GSDMC: variants seen among roughly 807,000 people sequenced by gnomAD.
The protein encoded by GSDMC is gasdermin C.
In GSDMC, 59 loss-of-function variants were observed where a neutral mutation model predicts 58.0. The observed-to-expected ratio is 1.02, with a 90% CI of 0.82 to 1.26. GSDMC has a LOEUF of 1.26. Among genes scored for constraint, GSDMC ranks in the 50% most tolerant of loss-of-function variants. The pLI is 0.00. For missense variants in GSDMC, 659 were observed against 598.5 expected (o/e 1.10, Z -1.06); for synonymous variants, 241 against 220.2 (o/e 1.09, Z -0.83).
At chr8:129,712,447 T>C in the GSDMC span, among the ~76,000 whole-genome samples, 1 of 151,910 alleles carries the variant, frequency 6.6e-6, no homozygotes, top group Non-Finnish European at 1.5e-5. Context: ...CTATGATGGG[T>C]TCTAGTTCAG....
intron 3 of GSDMC, among the ~76,000 whole-genome samples, chr8:129,767,913 G>A (rs951565815): frequency 1.4e-4 from 21 of 152,070 alleles, no homozygotes; most frequent in Non-Finnish European, 2.8e-4. Context: ...GTACCACAAG[G>A]AGCACAGGCT....
Position 129,765,726 on chromosome 8 carries a change from C to A in GSDMC, c.472G>T (p.Val158Leu). The change falls in exon 4 of 14, where the codon GTG becomes TTG. Residue 158 changes from valine to leucine, a missense_variant. Val to Leu is a conservative substitution (Grantham distance 32, BLOSUM62 1). Transcript: ENST00000276708. ...CRRRGDNLYVVTEAVELINNT... is the reference protein window; with the variant it reads ...CRRRGDNLYVLTEAVELINNT... ...TTGATCAGTTCAACAGCCTCTGTCA[C>A]CACGTACAGGTTGTCCCCTCTCCTC... 6.2e-7 allele frequency: 1 copy of A among 1,612,742 alleles called. No homozygotes were observed. Among genetic ancestry groups the A allele is most frequent in the Non-Finnish European group, 8.5e-7 (1 of 1,178,700 alleles).
the GSDMC span, among the ~76,000 whole-genome samples, chr8:129,742,438 C>G: frequency 6.6e-6 from 1 of 152,110 alleles, no homozygotes; most frequent in East Asian, 1.9e-4. Context: ...AACAAAAAAT[C>G]TGTTCAATAA....
the GSDMC span, among the ~76,000 whole-genome samples, chr8:129,735,949 C>A: frequency 6.6e-6 from 1 of 152,044 alleles, no homozygotes; most frequent in Non-Finnish European, 1.5e-5. Flanking sequence ...ATCAAATAGA[C>A]ACAATAAAAA....
the GSDMC span, among the ~76,000 whole-genome samples, chr8:129,721,726 C>T: frequency 6.6e-6 from 1 of 152,226 alleles, no homozygotes; most frequent in Non-Finnish European, 1.5e-5. Context: ...TGACAGCACT[C>T]TCAGTCACTT....
chr8:129,726,139 AT>A, the GSDMC span, among the ~76,000 whole-genome samples: 2 of 152,218 alleles, frequency 1.3e-5, no homozygotes, highest in Admixed American at 6.5e-5. Context: ...AGCAGTTGAC[AT>A]TTTACCAAGG....
At chr8:129,774,845 T>C (rs1270147311) in intron 3 of GSDMC, among the ~76,000 whole-genome samples, 1 of 152,156 alleles carries the variant, frequency 6.6e-6, no homozygotes, top group Non-Finnish European at 1.5e-5. Context: ...AAATTACTTA[T>C]CAGGGACGTA....
chr8:129,760,997 A>G (rs2033637859), intron 5 of GSDMC, among the ~76,000 whole-genome samples: 1 of 152,222 alleles, frequency 6.6e-6, no homozygotes, highest in African/African-American at 2.4e-5. Flanking sequence ...AGTGTTCAAC[A>G]GGGGAAAGAG....
downstream of GSDMC, among the ~76,000 whole-genome samples, chr8:129,746,235 C>T (rs903439613): frequency 2.0e-5 from 3 of 152,038 alleles, no homozygotes; most frequent in Non-Finnish European, 4.4e-5. Flanking sequence ...AAGGTAAAAA[C>T]CTCAAAGCTG....
chr8:129,774,519 C>T (rs956040613), intron 3 of GSDMC, among the ~76,000 whole-genome samples: 2 of 136,754 alleles, frequency 1.5e-5, no homozygotes, highest in Non-Finnish European at 3.2e-5. Context: ...ACACCAAAAG[C>T]AACAGCAGCA....
the GSDMC span, among the ~76,000 whole-genome samples, chr8:129,722,152 T>C: frequency 6.6e-6 from 1 of 152,252 alleles, no homozygotes; most frequent in Non-Finnish European, 1.5e-5. Context: ...ATCTTAAAGA[T>C]ACATTTGATT....
chr8:129,768,912 T>C (rs1401690053), intron 3 of GSDMC, among the ~76,000 whole-genome samples: 2 of 152,050 alleles, frequency 1.3e-5, no homozygotes, highest in Non-Finnish European at 2.9e-5. Flanking sequence ...AGACCACATC[T>C]CTCCAAAAAA....
At position 129,777,518 on chromosome 8, in the gene GSDMC, C is replaced by G. The variant is rs1392449481; in HGVS notation, c.70G>C (p.Val24Leu). The G allele has an allele frequency of 3.1e-6, 5 of 1,613,366 alleles. No homozygotes were observed. The highest frequency in any genetic ancestry group is 3.4e-6 in the Non-Finnish European group (4 of 1,179,362). The change falls in exon 2 of 14, where the codon GTC becomes CTC. Residue 24 changes from valine to leucine, a missense_variant. Val to Leu is a conservative substitution (Grantham distance 32, BLOSUM62 1). Coordinates refer to ENST00000276708, the MANE Select transcript of GSDMC (RefSeq NM_031415.3). ...KEIGSKDLTP[V>L]KYLLSATKLR... ...TTGGTGGCACTCAATAGGTATTTGA[C>G]AGGTGTCAGGTCTTTGCTTCCAATC...
At chr8:129,767,362 C>A (rs2033896729) in intron 3 of GSDMC, among the ~76,000 whole-genome samples, 1 of 152,110 alleles carries the variant, frequency 6.6e-6, no homozygotes, top group South Asian at 2.1e-4. Context: ...ACCAGGAAGT[C>A]CAAACAGTGA....
At chr8:129,762,538 C>G in intron 5 of GSDMC, 88 bp downstream of exon 5, 1 of 826,580 alleles carries the variant, frequency 1.2e-6, no homozygotes, top group Non-Finnish European at 2.1e-6. Flanking sequence ...AGGTTGCATA[C>G]TATGGTTATT....
intron 13 of GSDMC, 129 bp downstream of exon 13, chr8:129,749,323 G>A (rs1260708707): frequency 1.7e-5 from 11 of 666,086 alleles, no homozygotes; most frequent in Non-Finnish European, 5.4e-6. Flanking sequence ...ATTCCCCAGT[G>A]GCCACCCTGT....
At chr8:129,785,423 G>A (rs1586628835) in intron 1 of GSDMC, among the ~76,000 whole-genome samples, 2 of 150,776 alleles carry the variant, frequency 1.3e-5, no homozygotes, top group South Asian at 4.2e-4. Flanking sequence ...AGGTGGGGAT[G>A]GTAAATGAGC....
intron 8 of GSDMC, 41 bp downstream of exon 8, chr8:129,752,065 G>T: frequency 3.8e-6 from 6 of 1,584,742 alleles, no homozygotes; most frequent in Non-Finnish European, 5.2e-6. Flanking sequence ...GTTTTTTGTT[G>T]TGCAGATTGT....
At chr8:129,706,560 C>T in the GSDMC span, 1 of 152,140 alleles carries the variant, frequency 6.6e-6, no homozygotes, top group Non-Finnish European at 1.5e-5. Context: ...CTTGCCATTT[C>T]CAGTCCAAAA....
Sources: allele counts gnomAD v4.1 joint callset (sites outside exome capture counted in the v4.1 genomes callset), GRCh38; gene constraint gnomAD v4.1.1; transcripts MANE v1.5; gene names NCBI Gene and HGNC (gene_info 2026-07-23, HGNC 2026-07-21).